CCNC: variants seen among roughly 807,000 people sequenced by gnomAD.
The protein encoded by CCNC is cyclin-C.
CCNC carries 19 observed loss-of-function variants against 50.0 expected under a neutral mutation model. That is an observed-to-expected ratio of 0.38 (90% CI 0.27 to 0.56). CCNC has a LOEUF of 0.56. Ranked by LOEUF, CCNC falls within the 20% of genes least tolerant of loss-of-function variation. CCNC has a pLI of 0.72. For missense variants in CCNC, 200 were observed against 327.1 expected (o/e 0.61, Z 3.00); for synonymous variants, 93 against 103.7 (o/e 0.90, Z 0.63).
intron 2 of CCNC, 99 bp from the exon 3 acceptor site, chr6:99,561,780 C>A: frequency 1.3e-6 from 1 of 762,296 alleles, no homozygotes; most frequent in Non-Finnish European, 2.2e-6. Context: ...TAATTATGTT[C>A]ATTTTTAACA....
At chr6:99,550,943 CATTTA>C (rs1379185521) in intron 7 of CCNC, 45 bp downstream of exon 7, 9 of 907,832 alleles carry the variant, frequency 9.9e-6, no homozygotes, top group African/African-American at 6.8e-5. Flanking sequence ...TTTCCAACTT[CATTTA>C]ATTTAAAAAT....
intron 9 of CCNC, 42 bp from the exon 10 acceptor site, chr6:99,546,516 AAC>A (rs1470455940): frequency 5.8e-6 from 7 of 1,199,168 alleles, no homozygotes; most frequent in Non-Finnish European, 8.7e-6. Flanking sequence ...TTTAACTGCA[AAC>A]ACAGAATATA....
intron 4 of CCNC, among the ~76,000 whole-genome samples, chr6:99,560,267 T>C (rs1222118883): frequency 2.6e-5 from 4 of 152,218 alleles, no homozygotes; most frequent in Non-Finnish European, 5.9e-5. Context: ...CATAGAATTA[T>C]TAGAATTAGA....
chr6:99,567,061 A>G (rs1227201655), intron 1 of CCNC: 10 of 360,256 alleles, frequency 2.8e-5, no homozygotes, highest in Middle Eastern at 3.7e-4. Flanking sequence ...GGAGAAAAGA[A>G]TAGTTTCAAA....
At chr6:99,553,848 T>C (rs797001082) in intron 5 of CCNC, among the ~76,000 whole-genome samples, 5 of 152,306 alleles carry the variant, frequency 3.3e-5, no homozygotes, top group African/African-American at 9.6e-5. Flanking sequence ...GACTAAGACA[T>C]GCCTTCACCC....
intron 4 of CCNC, among the ~76,000 whole-genome samples, chr6:99,561,013 A>G (rs1412851041): frequency 6.6e-6 from 1 of 152,258 alleles, no homozygotes; most frequent in Admixed American, 6.5e-5. Context: ...TTAAGAACAC[A>G]GGATTGGTAA....
In CCNC at chr6:99,561,695, A is replaced by G; in HGVS notation, c.140-14T>C. The G allele has an allele frequency of 2.7e-6, 4 of 1,506,088 alleles. No homozygotes were observed. Among genetic ancestry groups the G allele is most frequent in the Non-Finnish European group, 3.7e-6 (4 of 1,084,644 alleles). The allele number at this position is 1,506,088 out of a possible 1,614,324, so 93.3% of individuals were successfully genotyped here. Reference sequence around the variant, plus strand: ...ATGCTTGGATAACTAAAAGGCAAATAATGAAATTTTAAATGTATCTTCTGG... The same window carrying G: ...ATGCTTGGATAACTAAAAGGCAAATGATGAAATTTTAAATGTATCTTCTGG... On this transcript the variant is annotated splice_polypyrimidine_tract_variant and intron_variant, in intron 2 of 11. Coordinates refer to ENST00000520429, the MANE Select transcript of CCNC (RefSeq NM_005190.4).
chr6:99,547,942 A>G (rs1371498575), intron 9 of CCNC, among the ~76,000 whole-genome samples: 1 of 152,140 alleles, frequency 6.6e-6, no homozygotes, highest in African/African-American at 2.4e-5. Flanking sequence ...GTGGGTATTG[A>G]GGGAGATGAA....
chr6:99,555,949 A>G (rs928402161), intron 5 of CCNC, among the ~76,000 whole-genome samples: 2 of 152,180 alleles, frequency 1.3e-5, no homozygotes, highest in Non-Finnish European at 2.9e-5. Flanking sequence ...GACTCTTCTT[A>G]AATCCCTTCT....
Position 99,549,406 on chromosome 6 carries a change from G to C in CCNC, c.598+102C>G, listed in dbSNP as rs763986174. ...TGCAAGGATTAGTCTATTACTTCAT[G>C]GAACATAAAAACATAAAGTACAATA... On this transcript the variant is annotated intron_variant, in intron 9 of 11. Coordinates refer to ENST00000520429, the MANE Select transcript of CCNC (RefSeq NM_005190.4). 28 of 778,448 alleles carry C rather than the reference G, an allele frequency of 3.6e-5. 1 individual carries two copies. In the African/African-American group the frequency reaches 4.3e-4, roughly 12 times the overall value. 48.2% of individuals were successfully genotyped at this position (778,448 alleles called of 1,614,324 possible).
chr6:99,546,778 A>G (rs1389818305), intron 9 of CCNC, among the ~76,000 whole-genome samples: 1 of 152,226 alleles, frequency 6.6e-6, no homozygotes, highest in African/African-American at 2.4e-5. Flanking sequence ...AAGGGAAGTT[A>G]TCCCTGAGTA....
At chr6:99,568,275 A>AGG (rs1769240413) in intron 1 of CCNC, 1 of 584,240 alleles carries the variant, frequency 1.7e-6, no homozygotes, top group African/African-American at 1.9e-5. Flanking sequence ...ACTCTCTCCC[A>AGG]CCCCTCCCCC....
intron 5 of CCNC, among the ~76,000 whole-genome samples, chr6:99,556,885 C>T (rs1430227386): frequency 6.6e-6 from 1 of 152,208 alleles, no homozygotes; most frequent in Non-Finnish European, 1.5e-5. Flanking sequence ...CGTGCCACTG[C>T]ACTCCAGCCT....
Position 99,568,599 on chromosome 6 carries a change from C to G in CCNC, c.-72G>C. The G allele has an allele frequency of 6.3e-7, 1 of 1,578,976 alleles. No homozygotes were observed. The highest frequency in any genetic ancestry group is 1.2e-5 in the South Asian group (1 of 86,702). Reference sequence around the variant, plus strand: ...CCGCGGAGCGACCATAGACCCAGCCCGTCCGGTAACCGCGCTCCTCGATCA... The same window carrying G: ...CCGCGGAGCGACCATAGACCCAGCCGGTCCGGTAACCGCGCTCCTCGATCA... On this transcript the variant is annotated 5_prime_UTR_variant, in exon 1 of 12. Coordinates refer to ENST00000520429, the MANE Select transcript of CCNC (RefSeq NM_005190.4).
intron 11 of CCNC, among the ~76,000 whole-genome samples, chr6:99,544,620 T>C (rs533003219): frequency 9.2e-5 from 14 of 152,228 alleles, no homozygotes; most frequent in South Asian, 4.1e-4. Context: ...AAATATATTC[T>C]TATGTGCCAT....
chr6:99,564,444 AT>A lies in CCNC; in HGVS notation c.33-1497del, dbSNP rs1486477763. On this transcript the variant is annotated intron_variant, in intron 1 of 11. Transcript: ENST00000520429. ...TGTCAAAAAAAAAAAAAAAAAAAAA[AT>A]TCCTATGGGTTACTGCCACTTTTAA... 3.4e-3 allele frequency among the ~76,000 whole-genome samples: 499 copies of A among 145,054 alleles called. 3 individuals are homozygous for A. The highest frequency in any genetic ancestry group is 0.012 in the African/African-American group (484 of 39,042).
intron 11 of CCNC, among the ~76,000 whole-genome samples, chr6:99,544,500 G>A (rs758413143): frequency 3.3e-5 from 5 of 151,976 alleles, no homozygotes; most frequent in Non-Finnish European, 7.4e-5. Flanking sequence ...GATACACAGT[G>A]AGGGCTGAGA....
intron 6 of CCNC, 92 bp downstream of exon 6, chr6:99,551,748 T>C: frequency 1.3e-6 from 1 of 784,176 alleles, no homozygotes; most frequent in South Asian, 2.8e-5. Context: ...GAAACTGCCA[T>C]TTCTAGGAAA....
chr6:99,548,315 A>G (rs527909004), intron 9 of CCNC, among the ~76,000 whole-genome samples: 65 of 152,200 alleles, frequency 4.3e-4, no homozygotes, highest in African/African-American at 1.4e-3. Flanking sequence ...ATTCCTACCC[A>G]CTGGGTAGGA....
Sources: gnomAD v4.1 joint callset for allele counts (sites outside exome capture counted in the v4.1 genomes callset) on GRCh38, gnomAD v4.1.1 for gene constraint, MANE v1.5 for transcripts, NCBI Gene and HGNC (gene_info 2026-07-23, HGNC 2026-07-21) for gene names.